Variants in TCF12 observed in about 807,000 individuals in gnomAD.
TCF12 encodes the protein DNA-binding protein HTF4.
TCF12 carries 45 observed loss-of-function variants against 86.0 expected under a neutral mutation model. That is an observed-to-expected ratio of 0.52 (90% CI 0.41 to 0.67). The LOEUF (loss-of-function observed/expected upper bound fraction) is 0.67. Ranked by LOEUF, TCF12 falls within the 30% of genes least tolerant of loss-of-function variation. The pLI is 0.00. For missense variants in TCF12, 881 were observed against 859.9 expected, an observed-to-expected ratio of 1.02 and a Z score of -0.31; for synonymous variants, 330 against 299.6, an observed-to-expected ratio of 1.10 and a Z score of -1.05.
At chr15:57,115,865 A>T (rs1027921751) in intron 5 of TCF12, among the ~76,000 whole-genome samples, 13 of 152,034 alleles carry the variant, frequency 8.6e-5, no homozygotes, top group Admixed American at 2.6e-4. Context: ...AGGCAATAGG[A>T]GAAGATTGTA....
rs200734119 is a variant in TCF12 at position 57,263,203 on chromosome 15, A to G, written c.1674A>G (p.Ser558=). Residue 558 remains serine, a synonymous_variant, in exon 18 of 21, where the codon TCA becomes TCG. Transcript: ENST00000333725. The part of the protein sequence containing the change: ...EKDENLHEPP[S]SDDMKSDDES... ...ATGAAAACCTTCATGAACCTCCTTC[A>G]TCAGATGACATGAAGTCAGATGATG... 53 of 1,613,334 alleles carry G rather than the reference A, an allele frequency of 3.3e-5. No homozygotes were observed. In the African/African-American group the frequency reaches 6.7e-4, roughly 20 times the overall value.
At chr15:56,932,250 ACT>A (rs1289132198) in intron 3 of TCF12, among the ~76,000 whole-genome samples, 3 of 152,184 alleles carry the variant, frequency 2.0e-5, no homozygotes, top group African/African-American at 7.2e-5. Context: ...TTACTTCATA[ACT>A]CTTGTAGGAA....
intron 5 of TCF12, among the ~76,000 whole-genome samples, chr15:57,137,146 A>T (rs545288708): frequency 6.6e-6 from 1 of 151,248 alleles, no homozygotes; most frequent in Non-Finnish European, 1.5e-5. Flanking sequence ...TGCCCGGCTA[A>T]TTTTTTGTAT....
At chr15:57,197,633 C>G in intron 7 of TCF12, 140 bp from the exon 8 acceptor site, 1 of 786,530 alleles carries the variant, frequency 1.3e-6, no homozygotes. Context: ...GAATGAAGCC[C>G]TCATTACTGT....
At chr15:57,254,680 C>A (rs2060263492) in intron 16 of TCF12, among the ~76,000 whole-genome samples, 1 of 151,290 alleles carries the variant, frequency 6.6e-6, no homozygotes, top group Non-Finnish European at 1.5e-5. Flanking sequence ...CAAAGTGAGA[C>A]CCTCATCTCT....
At chr15:57,226,655 T>A (rs1474375471) in intron 8 of TCF12, among the ~76,000 whole-genome samples, 1 of 152,154 alleles carries the variant, frequency 6.6e-6, no homozygotes, top group Non-Finnish European at 1.5e-5. Context: ...TATTCCAAAT[T>A]AGGTGAAGGT....
At position 56,943,203 on chromosome 15, in the gene TCF12, G is replaced by A. The variant is rs372701799; in HGVS notation, c.148+22105G>A. ...GCAACTTCACCTTTTCATTTAACAAGAGGATAATAGGGGATCACTATGTGA... is the reference window on the plus strand; with the variant it reads ...GCAACTTCACCTTTTCATTTAACAAAAGGATAATAGGGGATCACTATGTGA... On this transcript the variant is annotated intron_variant, in intron 3 of 20. Transcript: ENST00000333725. Among the ~76,000 whole-genome samples, 3 of 152,120 alleles carry A rather than the reference G, an allele frequency of 2.0e-5. No homozygotes were observed. The East Asian group carries it at 5.8e-4, about 29-fold the overall frequency.
intron 3 of TCF12, among the ~76,000 whole-genome samples, chr15:57,046,313 A>G (rs929787456): frequency 1.4e-4 from 21 of 152,244 alleles, no homozygotes; most frequent in African/African-American, 4.3e-4. Context: ...GTCACCTTAC[A>G]TAGTTACTAC....
chr15:57,216,025 A>G (rs562188556), intron 8 of TCF12, among the ~76,000 whole-genome samples: 7 of 152,258 alleles, frequency 4.6e-5, no homozygotes, highest in Admixed American at 2.0e-4. Flanking sequence ...CTTTTCCTAT[A>G]TCGTCAGTAA....
At chr15:57,143,411 G>T (rs2151419966) in intron 5 of TCF12, among the ~76,000 whole-genome samples, 1 of 152,138 alleles carries the variant, frequency 6.6e-6, no homozygotes, top group East Asian at 1.9e-4. Flanking sequence ...TAACTAAGGG[G>T]AGGAAGTTTC....
At chr15:56,976,834 A>G (rs1459220560) in intron 3 of TCF12, among the ~76,000 whole-genome samples, 1 of 152,202 alleles carries the variant, frequency 6.6e-6, no homozygotes, top group African/African-American at 2.4e-5. Context: ...GTAGCAAGAA[A>G]AATTGAGATT....
At chr15:57,113,382 CCT>C (rs1157133690) in intron 5 of TCF12, among the ~76,000 whole-genome samples, 2 of 152,084 alleles carry the variant, frequency 1.3e-5, no homozygotes, top group Middle Eastern at 3.2e-3. Context: ...TTTGTGTACA[CCT>C]CTCTCTTTTT....
intron 12 of TCF12, among the ~76,000 whole-genome samples, chr15:57,237,490 T>G (rs963383536): frequency 5.3e-5 from 8 of 152,154 alleles, no homozygotes; most frequent in African/African-American, 1.9e-4. Context: ...GTCTCATTTG[T>G]TGGAGTAAAA....
chr15:57,145,486 T>TAAA (rs1341928474), intron 5 of TCF12, among the ~76,000 whole-genome samples: 6 of 149,730 alleles, frequency 4.0e-5, no homozygotes, highest in African/African-American at 1.5e-4. Flanking sequence ...TTGAAATATG[T>TAAA]AAAAAAAAAA....
rs538688455 is a variant in TCF12, at chr15:57,221,547, T to C, written c.580-9605T>C. On this transcript the variant is annotated intron_variant, in intron 8 of 20. Coordinates refer to ENST00000333725, the MANE Select transcript of TCF12 (RefSeq NM_207037.2). ...TCTTTGTTCTACATTGGGAGGGGGGTAGGGGGAGCTTTGATAGTGGTATTT... is the reference window on the plus strand; with the variant it reads ...TCTTTGTTCTACATTGGGAGGGGGGCAGGGGGAGCTTTGATAGTGGTATTT... Among the ~76,000 whole-genome samples the C allele has an allele frequency of 2.7e-5, 4 of 150,684 alleles. No individual in the cohort carries two copies. In the South Asian group the frequency reaches 8.4e-4, roughly 32 times the overall value.
At chr15:56,938,078 T>C (rs1476732067) in intron 3 of TCF12, among the ~76,000 whole-genome samples, 1 of 149,398 alleles carries the variant, frequency 6.7e-6, no homozygotes, top group Non-Finnish European at 1.5e-5. Context: ...ATAGCTAGTA[T>C]TTTGTTACGG....
rs115739491 is a variant in TCF12, at chr15:57,276,218, G to A, written c.1978+2956G>A. ...TTGAACATAAATGGTGTTGGACAGT[G>A]GTTTTGAAATCTGGCTGGTCCCAGA... On this transcript the variant is annotated intron_variant, in intron 19 of 20. Coordinates refer to ENST00000333725, the MANE Select transcript of TCF12 (RefSeq NM_207037.2). 7.4e-3 allele frequency among the ~76,000 whole-genome samples: 1,123 copies of A among 152,270 alleles called. 14 individuals are homozygous for A. Among genetic ancestry groups the A allele is most frequent in the African/African-American group, 0.026 (1,073 of 41,550 alleles).
chr15:56,931,702 G>T (rs1458958078), intron 3 of TCF12, among the ~76,000 whole-genome samples: 1 of 152,114 alleles, frequency 6.6e-6, no homozygotes, highest in Non-Finnish European at 1.5e-5. Flanking sequence ...TTAAAAACAG[G>T]TTATGATTCT....
chr15:56,978,620 C>T (rs2062735413), intron 3 of TCF12, among the ~76,000 whole-genome samples: 1 of 152,166 alleles, frequency 6.6e-6, no homozygotes, highest in Non-Finnish European at 1.5e-5. Flanking sequence ...GTCTATACCT[C>T]ACATACATGA....
Sources: gnomAD v4.1 joint callset for allele counts (sites outside exome capture counted in the v4.1 genomes callset) on GRCh38, gnomAD v4.1.1 for gene constraint, MANE v1.5 for transcripts, NCBI Gene and HGNC (gene_info 2026-07-23, HGNC 2026-07-21) for gene names.